Variants in RPL34 observed in about 807,000 individuals in gnomAD.
RPL34 encodes the protein ribosomal protein L34.
RPL34 carries 2 observed loss-of-function variants against 16.3 expected under a neutral mutation model. The ratio of observed to expected loss-of-function variants is 0.12; its 90% CI spans 0.05 to 0.39. The LOEUF is 0.39. Ranked by LOEUF, RPL34 falls within the 10% of genes least tolerant of loss-of-function variation. RPL34 has a pLI of 0.99. For missense variants in RPL34, 82 were observed against 148.8 expected (o/e 0.55, Z 2.33); for synonymous variants, 47 against 48.5 (o/e 0.97, Z 0.13).
intron 4 of RPL34, among the ~76,000 whole-genome samples, chr4:108,624,796 A>G (rs1725933739): frequency 6.6e-6 from 1 of 152,190 alleles, no homozygotes; most frequent in Admixed American, 6.5e-5. Context: ...ATATGGTTAA[A>G]ATATTCTAAG....
Position 108,622,207 on chromosome 4 carries a change from A to G in RPL34, c.165+3A>G. On this transcript the variant is annotated splice_donor_region_variant and intron_variant, in intron 3 of 4. Coordinates refer to ENST00000394667, the MANE Select transcript of RPL34 (RefSeq NM_001319236.2). ...TGTGCCCAGGCAGACTTCGAGGGGT[A>G]AGTGTACCTTTTACTGTGTGCAGCC... 2 of 1,596,052 alleles carry G rather than the reference A, an allele frequency of 1.3e-6. No individual in the cohort carries two copies. The highest frequency in any genetic ancestry group is 1.7e-6 in the Non-Finnish European group (2 of 1,167,918).
downstream of RPL34, among the ~76,000 whole-genome samples, chr4:108,626,966 G>A (rs796650625): frequency 1.3e-5 from 2 of 152,124 alleles, no homozygotes; most frequent in South Asian, 2.1e-4. Flanking sequence ...CTGGCTGGAC[G>A]CCGTGGTTCA....
At chr4:108,626,269 G>T (rs1337787205), downstream of RPL34, among the ~76,000 whole-genome samples, 1 of 151,700 alleles carries the variant, frequency 6.6e-6, no homozygotes, top group African/African-American at 2.4e-5. Context: ...AAGTAGCTGG[G>T]ACTACAGGTA....
At chr4:108,629,025 C>T (rs1046544939), downstream of RPL34, among the ~76,000 whole-genome samples, 5 of 152,114 alleles carry the variant, frequency 3.3e-5, no homozygotes, top group East Asian at 1.9e-4. Flanking sequence ...GCCATGTTGG[C>T]CAGGCTGGTC....
At chr4:108,624,327 A>C (rs1277595057) in intron 4 of RPL34, among the ~76,000 whole-genome samples, 1 of 152,154 alleles carries the variant, frequency 6.6e-6, no homozygotes, top group East Asian at 1.9e-4. Context: ...GAAATTAGAA[A>C]ACCCAGAGTT....
intron 1 of RPL34, 64 bp downstream of exon 1, chr4:108,620,664 C>G (rs1268075827): frequency 3.9e-6 from 1 of 256,162 alleles, no homozygotes; most frequent in Non-Finnish European, 8.1e-6. Flanking sequence ...ATCCGAGGAG[C>G]TGAGGAAGCC....
At chr4:108,628,592 G>A (rs767062), downstream of RPL34, among the ~76,000 whole-genome samples, 5,715 of 152,232 alleles carry the variant, frequency 0.038, 149 homozygotes, top group African/African-American at 0.074. Context: ...TCCAAGTTAG[G>A]TAGAACAACA....
intron 1 of RPL34, chr4:108,621,556 C>A: frequency 4.3e-6 from 1 of 230,734 alleles, no homozygotes; most frequent in Non-Finnish European, 8.8e-6. Context: ...TAGCTCCTTG[C>A]CCTTTATATT....
At chr4:108,626,857 A>G (rs1009282405), downstream of RPL34, among the ~76,000 whole-genome samples, 35 of 152,200 alleles carry the variant, frequency 2.3e-4, no homozygotes, top group Admixed American at 1.2e-3. Flanking sequence ...AATTTTGACT[A>G]TTTTCCTCAG....
rs1416494341 is a variant in RPL34, at chr4:108,622,111, A to G, written c.72A>G (p.Arg24=). The change falls in exon 3 of 5, where the codon CGA becomes CGG. Residue 24 remains arginine (R), a synonymous_variant. Transcript: ENST00000394667. ...NTASNKTRLS[R]TPGNRIVYLY... is the part of the protein sequence containing the mutation. ...TGACTGTTTCACTTTCTAGGTCCCG[A>G]ACCCCTGGTAATAGAATTGTTTACC... 5 of 1,613,452 alleles carry G rather than the reference A, an allele frequency of 3.1e-6. No homozygotes were observed. The highest frequency in any genetic ancestry group is 3.3e-5 in the Admixed American group (2 of 60,014).
downstream of RPL34, chr4:108,630,218 C>T (rs927134050): frequency 1.3e-5 from 2 of 152,114 alleles, no homozygotes; most frequent in African/African-American, 4.8e-5. Flanking sequence ...ATACTACCAG[C>T]ACATCCCTAG....
chr4:108,621,707 T>C, intron 1 of RPL34: 1 of 427,786 alleles, frequency 2.3e-6, no homozygotes, highest in Non-Finnish European at 4.3e-6. Context: ...GTAAGGAGCC[T>C]GGTCATCAGA....
At chr4:108,621,828 CTTAAT>C in intron 1 of RPL34, 118 bp from the exon 2 acceptor site, 6 of 679,430 alleles carry the variant, frequency 8.8e-6, no homozygotes, top group Non-Finnish European at 1.6e-5. Context: ...AATAATACAT[CTTAAT>C]TTAAGGGTGT....
rs575744946 is a variant in RPL34, at chr4:108,623,583, G to A, written c.269+965G>A. Reference sequence around the variant, plus strand: ...TGCCACCACACTTGACTGATTTTTTGTATTTTTAGTAGAGACAAGGTTTCA... The same window carrying A: ...TGCCACCACACTTGACTGATTTTTTATATTTTTAGTAGAGACAAGGTTTCA... On this transcript the variant is annotated intron_variant, in intron 4 of 4. Coordinates refer to ENST00000394667, the MANE Select transcript of RPL34 (RefSeq NM_001319236.2). Among the ~76,000 whole-genome samples, 329 of 152,122 alleles carry A rather than the reference G, an allele frequency of 2.2e-3. 1 individual carries two copies. The highest frequency in any genetic ancestry group is 7.6e-3 in the African/African-American group (316 of 41,494).
At chr4:108,625,410 A>G, downstream of RPL34, 1 of 475,324 alleles carries the variant, frequency 2.1e-6, no homozygotes, top group Non-Finnish European at 3.8e-6. Flanking sequence ...TTTGAGACGG[A>G]GTTTCTCTCT....
intron 1 of RPL34, chr4:108,621,720 G>A (rs759394581): frequency 8.7e-6 from 4 of 457,148 alleles, no homozygotes; most frequent in Admixed American, 3.4e-5. Flanking sequence ...TCATCAGAAC[G>A]TTAAGGAAGT....
chr4:108,623,764 T>C (rs1367347216), intron 4 of RPL34, among the ~76,000 whole-genome samples: 2 of 152,180 alleles, frequency 1.3e-5, no homozygotes, highest in Non-Finnish European at 2.9e-5. Context: ...TTCTGCATTT[T>C]AGGAGGTAGA....
chr4:108,623,562 A>C (rs1478274162), intron 4 of RPL34, among the ~76,000 whole-genome samples: 2 of 152,096 alleles, frequency 1.3e-5, no homozygotes, highest in Admixed American at 1.3e-4. Context: ...GGCACATGCC[A>C]CCACACTTGA....
chr4:108,625,236 TAA>T lies in RPL34; in HGVS notation c.*28_*29del. ...AAAAAAATGAAACTTTTTTGAGTAA[TAA>T]AAATGAAAAGACGCTGTATGTATGA... On this transcript the variant is annotated 3_prime_UTR_variant, in exon 5 of 5. Transcript: ENST00000394667. 1.4e-6 allele frequency: 2 copies of T among 1,465,154 alleles called. No homozygotes were observed. The highest frequency in any genetic ancestry group is 1.9e-6 in the Non-Finnish European group (2 of 1,059,754). 90.8% of individuals were successfully genotyped at this position (1,465,154 alleles called of 1,614,324 possible). A position where few individuals can be genotyped will look rare whatever the true frequency, so the allele number is the denominator to read the frequency against.
Sources: allele counts gnomAD v4.1 joint callset (sites outside exome capture counted in the v4.1 genomes callset), GRCh38; gene constraint gnomAD v4.1.1; transcripts MANE v1.5; gene names NCBI Gene and HGNC (gene_info 2026-07-23, HGNC 2026-07-21).